The following SUPT3H variants were observed in gnomAD, a reference collection of about 807,000 sequenced individuals.
The protein encoded by SUPT3H is SPT3 homolog, SAGA and STAGA complex component.
Under a neutral mutation model 44.3 loss-of-function variants are expected in SUPT3H, and 44 were observed. That is an observed-to-expected ratio of 0.99 (90% CI 0.78 to 1.28). The LOEUF (loss-of-function observed/expected upper bound fraction) is 1.28, where lower values mean the gene tolerates loss of function less well. SUPT3H is among the 50% of genes most tolerant of loss of function. The probability of loss-of-function intolerance (pLI) is 0.00; values close to 1 mark genes in which losing one functional copy is unlikely to be tolerated. For missense variants in SUPT3H, 380 were observed against 387.1 expected (o/e 0.98, Z 0.15); for synonymous variants, 124 against 125.6 (o/e 0.99, Z 0.09).
At chr6:44,919,179 G>T (rs1394943126) in intron 10 of SUPT3H, among the ~76,000 whole-genome samples, 3 of 152,164 alleles carry the variant, frequency 2.0e-5, no homozygotes, top group Non-Finnish European at 4.4e-5. Context: ...AGGGGGCGTG[G>T]AAGAGCAATG....
intron 2 of SUPT3H, among the ~76,000 whole-genome samples, chr6:45,185,127 G>T (rs1168066358): frequency 6.6e-6 from 1 of 152,092 alleles, no homozygotes; most frequent in Non-Finnish European, 1.5e-5. Flanking sequence ...TCTGTGGATC[G>T]CATTCCTCCA....
At position 45,069,909 on chromosome 6, in the gene SUPT3H, G is replaced by C. The variant is rs577774646; in HGVS notation, c.186+36013C>G. Among the ~76,000 whole-genome samples, 4 of 152,118 alleles carry C rather than the reference G, an allele frequency of 2.6e-5. No individual in the cohort carries two copies. The South Asian group carries it at 8.3e-4, about 32-fold the overall frequency. On this transcript the variant is annotated intron_variant, in intron 3 of 10. Transcript: ENST00000371459. The stretch of plus-strand genomic sequence containing the variant: ...CCTTCCACTGATATAAATATGCCTA[G>C]AGAGGAGCCTGCCAACAGCTGCGGG...
rs1769948197 is a variant in SUPT3H at position 44,928,744 on chromosome 6, G to A, written c.912+3909C>T. On this transcript the variant is annotated intron_variant, in intron 10 of 10. Coordinates refer to ENST00000371459, the MANE Select transcript of SUPT3H (RefSeq NM_003599.4). ...TAAAAATACAAAAAATTAGCTGGGC[G>A]CAGTGGCGGGCGCCTGTAGTCCCAG... Among the ~76,000 whole-genome samples the A allele has an allele frequency of 2.6e-5, 4 of 151,062 alleles. No individual in the cohort carries two copies. The South Asian group carries it at 8.3e-4, about 31-fold the overall frequency.
intron 2 of SUPT3H, among the ~76,000 whole-genome samples, chr6:45,125,552 T>C (rs868001358): frequency 6.6e-6 from 1 of 152,112 alleles, no homozygotes; most frequent in Non-Finnish European, 1.5e-5. Flanking sequence ...CCATTTTCAA[T>C]AGTGCAACGT....
At chr6:44,933,486 T>A (rs1770922334) in intron 9 of SUPT3H, among the ~76,000 whole-genome samples, 1 of 152,220 alleles carries the variant, frequency 6.6e-6, no homozygotes, top group South Asian at 2.1e-4. Context: ...GGTTTAGCCC[T>A]ACAAGTTACC....
chr6:45,150,722 T>TTTG (rs1554263934), intron 2 of SUPT3H, among the ~76,000 whole-genome samples: 3 of 86,318 alleles, frequency 3.5e-5, no homozygotes, highest in African/African-American at 1.0e-4. Context: ...TATTCTGCGT[T>TTTG]TTTTTTTTTT....
At chr6:44,843,821 T>A (rs1304159036) in intron 10 of SUPT3H, among the ~76,000 whole-genome samples, 1 of 151,788 alleles carries the variant, frequency 6.6e-6, no homozygotes, top group Non-Finnish European at 1.5e-5. Context: ...GTCGGTGTAA[T>A]TCTTTTCTAA....
intron 2 of SUPT3H, among the ~76,000 whole-genome samples, chr6:45,106,581 G>C (rs1412477521): frequency 6.6e-6 from 1 of 151,900 alleles, no homozygotes; most frequent in Admixed American, 6.6e-5. Flanking sequence ...CTGTTGCCCA[G>C]GCTGTAGTGC....
At chr6:44,964,635 A>G (rs1776528308) in intron 6 of SUPT3H, among the ~76,000 whole-genome samples, 1 of 152,100 alleles carries the variant, frequency 6.6e-6, no homozygotes, top group African/African-American at 2.4e-5. Flanking sequence ...TCCAATGCCT[A>G]TTCTCTTTTC....
intron 5 of SUPT3H, among the ~76,000 whole-genome samples, chr6:45,014,106 T>C (rs1173966446): frequency 6.6e-6 from 1 of 152,064 alleles, no homozygotes; most frequent in African/African-American, 2.4e-5. Flanking sequence ...ACGTCAAGAT[T>C]AGATGTGTTC....
At chr6:45,026,860 T>C (rs768312467) in intron 3 of SUPT3H, among the ~76,000 whole-genome samples, 10 of 152,162 alleles carry the variant, frequency 6.6e-5, no homozygotes, top group Non-Finnish European at 1.2e-4. Flanking sequence ...ATATACAGTG[T>C]TTATGTTATA....
chr6:45,004,955 G>T (rs981675888), intron 5 of SUPT3H, among the ~76,000 whole-genome samples: 1 of 152,096 alleles, frequency 6.6e-6, no homozygotes, highest in African/African-American at 2.4e-5. Context: ...CATAAACTTT[G>T]TTTCAGGTTT....
chr6:45,129,430 G>A (rs1803059551), intron 2 of SUPT3H, among the ~76,000 whole-genome samples: 1 of 152,174 alleles, frequency 6.6e-6, no homozygotes, highest in South Asian at 2.1e-4. Flanking sequence ...CAAATTTCTA[G>A]TTATGTGGTC....
intron 10 of SUPT3H, among the ~76,000 whole-genome samples, chr6:44,901,377 C>T (rs1765016144): frequency 6.6e-6 from 1 of 152,104 alleles, no homozygotes. Flanking sequence ...GTGACGAATG[C>T]ACAAGCCTCA....
intron 10 of SUPT3H, among the ~76,000 whole-genome samples, chr6:44,854,538 TCTG>T (rs1773418558): frequency 6.6e-6 from 1 of 152,170 alleles, no homozygotes; most frequent in South Asian, 2.1e-4. Flanking sequence ...ACAGCTTCTC[TCTG>T]CTGAGGTTCC....
chr6:45,025,423 T>G (rs1785816539), intron 3 of SUPT3H, among the ~76,000 whole-genome samples: 1 of 152,202 alleles, frequency 6.6e-6, no homozygotes, highest in Admixed American at 6.5e-5. Flanking sequence ...TTATAAATGT[T>G]TGTTAAATGT....
chr6:45,103,715 T>C (rs190624373), intron 3 of SUPT3H, among the ~76,000 whole-genome samples: 18 of 152,302 alleles, frequency 1.2e-4, no homozygotes, highest in South Asian at 4.1e-4. Flanking sequence ...GTAAAACTTA[T>C]GGCTGAAAAC....
At chr6:44,962,119 AAG>A (rs749390281) in intron 6 of SUPT3H, among the ~76,000 whole-genome samples, 7 of 152,168 alleles carry the variant, frequency 4.6e-5, no homozygotes, top group African/African-American at 7.2e-5. Context: ...TTTAAAGAAA[AAG>A]AAAATGATGA....
chr6:45,283,135 C>T (rs1182459377), intron 2 of SUPT3H, among the ~76,000 whole-genome samples: 1 of 152,136 alleles, frequency 6.6e-6, no homozygotes, highest in Non-Finnish European at 1.5e-5. Flanking sequence ...AAAAACATGC[C>T]AAATTGTAAA....
Sources: gnomAD v4.1 joint callset for allele counts (sites outside exome capture counted in the v4.1 genomes callset) on GRCh38, gnomAD v4.1.1 for gene constraint, MANE v1.5 for transcripts, NCBI Gene and HGNC (gene_info 2026-07-23, HGNC 2026-07-21) for gene names.